The following RSRC1 variants were observed in gnomAD, a reference collection of about 807,000 sequenced individuals.
RSRC1 encodes arginine and serine rich coiled-coil 1.
In RSRC1, 39 loss-of-function variants were observed where a neutral mutation model predicts 49.1. That is an observed-to-expected ratio of 0.79 (90% CI 0.61 to 1.04). RSRC1 has a LOEUF of 1.04. RSRC1 is among the 50% of genes least tolerant of loss of function. The probability of loss-of-function intolerance (pLI) is 0.00; values close to 1 mark genes in which losing one functional copy is unlikely to be tolerated. For synonymous variants in RSRC1, 143 were observed against 130.8 expected (o/e 1.09, Z -0.63); for missense variants, 388 against 402.4 (o/e 0.96, Z 0.31).
chr3:158,328,408 G>T (rs139290409), intron 5 of RSRC1, among the ~76,000 whole-genome samples: 5,210 of 149,226 alleles, frequency 0.035, 319 homozygotes, highest in African/African-American at 0.12. Flanking sequence ...TCCTTCAGGA[G>T]CTCTTGTAGG....
intron 3 of RSRC1, among the ~76,000 whole-genome samples, chr3:158,199,615 A>G (rs762238196): frequency 7.2e-5 from 11 of 152,088 alleles, no homozygotes; most frequent in Non-Finnish European, 1.6e-4. Flanking sequence ...AATTGATTTT[A>G]GATATTTCTT....
chr3:158,348,456 G>A (rs1209428814), intron 5 of RSRC1, among the ~76,000 whole-genome samples: 4 of 152,028 alleles, frequency 2.6e-5, no homozygotes, highest in Non-Finnish European at 5.9e-5. Flanking sequence ...GAACTGAAGA[G>A]GTAAGAATAA....
At chr3:158,314,354 G>A (rs2693541) in intron 5 of RSRC1, among the ~76,000 whole-genome samples, 93,819 of 151,392 alleles carry the variant, frequency 0.62, 29,462 homozygotes, top group East Asian at 0.74. Flanking sequence ...CGGCCTCCCA[G>A]AGTGCTGGGA....
intron 7 of RSRC1, among the ~76,000 whole-genome samples, chr3:158,470,367 T>C (rs200832434): frequency 0.11 from 11,178 of 103,124 alleles, 456 homozygotes; most frequent in South Asian, 0.18. Context: ...CACACATATA[T>C]ATATATATAT....
At chr3:158,251,394 A>G (rs150342514) in intron 4 of RSRC1, among the ~76,000 whole-genome samples, 4,022 of 152,196 alleles carry the variant, frequency 0.026, 158 homozygotes, top group African/African-American at 0.092. Context: ...TTAAATCTGT[A>G]GATTGCTTTG....
intron 5 of RSRC1, among the ~76,000 whole-genome samples, chr3:158,316,356 T>C (rs1250388239): frequency 6.6e-6 from 1 of 151,858 alleles, no homozygotes; most frequent in African/African-American, 2.4e-5. Context: ...GTCTGTCTTA[T>C]GTGTACTTCC....
intron 3 of RSRC1, among the ~76,000 whole-genome samples, chr3:158,173,586 C>G (rs1367433291): frequency 6.6e-6 from 1 of 151,882 alleles, no homozygotes; most frequent in Non-Finnish European, 1.5e-5. Flanking sequence ...ACTGTATGAA[C>G]TAGCAATTCC....
chr3:158,163,774 A>G (rs1414411231), intron 3 of RSRC1, among the ~76,000 whole-genome samples: 1 of 145,024 alleles, frequency 6.9e-6, no homozygotes, highest in Non-Finnish European at 1.5e-5. Context: ...TTTTTTTTTA[A>G]TGTTAGCAAG....
At chr3:158,250,960 G>A (rs568601976) in intron 4 of RSRC1, among the ~76,000 whole-genome samples, 42 of 152,154 alleles carry the variant, frequency 2.8e-4, no homozygotes, top group African/African-American at 5.5e-4. Context: ...TAGTACTTTC[G>A]TAGTTTGAGG....
At chr3:158,499,302 G>A (rs565190265) in intron 7 of RSRC1, among the ~76,000 whole-genome samples, 53 of 152,192 alleles carry the variant, frequency 3.5e-4, no homozygotes, top group African/African-American at 1.0e-3. Context: ...GTGTGAACCC[G>A]GGAGGTGGAG....
intron 3 of RSRC1, among the ~76,000 whole-genome samples, chr3:158,156,170 C>T (rs1398103447): frequency 6.6e-6 from 1 of 151,894 alleles, no homozygotes; most frequent in Non-Finnish European, 1.5e-5. Flanking sequence ...TCAGCACGTA[C>T]TGCTTCACCT....
intron 5 of RSRC1, among the ~76,000 whole-genome samples, chr3:158,325,668 C>T (rs1177859398): frequency 1.3e-5 from 2 of 152,148 alleles, no homozygotes; most frequent in Non-Finnish European, 2.9e-5. Flanking sequence ...AGCATGATGC[C>T]TCCAGCTTTA....
At chr3:158,538,766 G>A (rs1366576850) in intron 8 of RSRC1, among the ~76,000 whole-genome samples, 1 of 151,862 alleles carries the variant, frequency 6.6e-6, no homozygotes, top group African/African-American at 2.4e-5. Flanking sequence ...TTCATAAGGT[G>A]GCATTTATCT....
At chr3:158,265,894 T>A (rs904412985) in intron 4 of RSRC1, among the ~76,000 whole-genome samples, 8 of 152,150 alleles carry the variant, frequency 5.3e-5, no homozygotes, top group African/African-American at 1.9e-4. Flanking sequence ...TAGGGATGAT[T>A]TTTTTTGTCA....
intron 5 of RSRC1, among the ~76,000 whole-genome samples, chr3:158,325,440 T>G (rs1344455474): frequency 6.6e-6 from 1 of 152,240 alleles, no homozygotes; most frequent in African/African-American, 2.4e-5. Flanking sequence ...TTCAGCTTTC[T>G]ACATATGGCT....
intron 3 of RSRC1, among the ~76,000 whole-genome samples, chr3:158,197,689 A>C (rs141808739): frequency 7.4e-4 from 113 of 151,930 alleles, no homozygotes; most frequent in African/African-American, 2.6e-3. Flanking sequence ...CTGGTATATT[A>C]TGTCTTTGTT....
chr3:158,474,130 G>A lies in RSRC1; in HGVS notation c.652+13127G>A, dbSNP rs116264579. On this transcript the variant is annotated intron_variant, in intron 7 of 9. Transcript: ENST00000611884. ...AACCACTAATGGAATTCATGTTAAT[G>A]TGAATTTGATAATGAAGCCAAATCT... is the stretch of plus-strand genomic sequence containing the variant. Among the ~76,000 whole-genome samples the A allele has an allele frequency of 7.6e-3, 1,151 of 152,188 alleles. 22 individuals are homozygous for A. The highest frequency in any genetic ancestry group is 0.026 in the African/African-American group (1,079 of 41,540).
chr3:158,472,185 G>A (rs1000572731), intron 7 of RSRC1, among the ~76,000 whole-genome samples: 3 of 151,988 alleles, frequency 2.0e-5, no homozygotes, highest in African/African-American at 7.2e-5. Context: ...AGATAAGGTT[G>A]TTTTTTATTC....
chr3:158,524,629 G>A (rs1051770542), intron 7 of RSRC1, among the ~76,000 whole-genome samples: 2 of 151,892 alleles, frequency 1.3e-5, no homozygotes, highest in Non-Finnish European at 2.9e-5. Flanking sequence ...TTATTTTGGT[G>A]CAGACAAAAT....
Sources: allele counts gnomAD v4.1 joint callset (sites outside exome capture counted in the v4.1 genomes callset), GRCh38; gene constraint gnomAD v4.1.1; transcripts MANE v1.5; gene names NCBI Gene and HGNC (gene_info 2026-07-23, HGNC 2026-07-21).